B3GALT1: variants seen among roughly 807,000 people sequenced by gnomAD.
The protein encoded by B3GALT1 is beta-1,3-galactosyltransferase 1.
In B3GALT1, 10 loss-of-function variants were observed where a neutral mutation model predicts 23.2. The observed-to-expected ratio is 0.43, with a 90% confidence interval of 0.27 to 0.73. B3GALT1 has a LOEUF of 0.73. Ranked by LOEUF, B3GALT1 falls within the 30% of genes least tolerant of loss-of-function variation. The pLI, the probability that B3GALT1 is intolerant of heterozygous loss-of-function variation, is 0.21. For synonymous variants in B3GALT1, 156 were observed against 141.5 expected (o/e 1.10, Z -0.73); for missense variants, 299 against 405.4 (o/e 0.74, Z 2.25).
At chr2:167,449,917 C>T (rs1022562737) in intron 1 of B3GALT1, among the ~76,000 whole-genome samples, 2 of 152,106 alleles carry the variant, frequency 1.3e-5, no homozygotes, top group East Asian at 1.9e-4. Flanking sequence ...CCTGTTAAAC[C>T]ATCCCTGCAT....
At chr2:167,552,253 A>G (rs779779193) in intron 2 of B3GALT1, among the ~76,000 whole-genome samples, 9 of 152,148 alleles carry the variant, frequency 5.9e-5, no homozygotes, top group African/African-American at 1.4e-4. Flanking sequence ...TTCCTTGACT[A>G]TATGATTACC....
At chr2:167,342,489 C>T (rs762999252) in intron 1 of B3GALT1, among the ~76,000 whole-genome samples, 62 of 151,572 alleles carry the variant, frequency 4.1e-4, no homozygotes, top group Non-Finnish European at 6.6e-4. Context: ...ACTCAGGAGG[C>T]TGAGGCAGGA....
At chr2:167,560,298 A>G (rs1172489377) in intron 2 of B3GALT1, among the ~76,000 whole-genome samples, 12 of 152,170 alleles carry the variant, frequency 7.9e-5, no homozygotes, top group Non-Finnish European at 1.5e-4. Flanking sequence ...AAGAGCTCCT[A>G]AAGGAAGCAC....
In B3GALT1 at chr2:167,314,049, A is replaced by G. The variant is rs1245631481; in HGVS notation, c.-511+20715A>G. ...GGATGGGAGATTGGAGGGTCTTAAT[A>G]CTTTACACACAAAAGACTTTGTCAC... On this transcript the variant is annotated intron_variant, in intron 1 of 4. Transcript: ENST00000392690. Among the ~76,000 whole-genome samples, 3 of 152,138 alleles carry G rather than the reference A, an allele frequency of 2.0e-5. No homozygotes were observed. In the East Asian group the frequency reaches 5.8e-4, roughly 29 times the overall value.
At chr2:167,679,811 T>C (rs1334591235) in intron 3 of B3GALT1, among the ~76,000 whole-genome samples, 1 of 152,270 alleles carries the variant, frequency 6.6e-6, no homozygotes, top group Non-Finnish European at 1.5e-5. Flanking sequence ...GCTCATAGTA[T>C]ATACTCAACA....
intron 2 of B3GALT1, among the ~76,000 whole-genome samples, chr2:167,617,689 T>C (rs1432711063): frequency 2.0e-5 from 3 of 152,076 alleles, no homozygotes. Flanking sequence ...TACAGGATCA[T>C]AGAAATTTAG....
intron 1 of B3GALT1, among the ~76,000 whole-genome samples, chr2:167,395,501 C>G (rs1037486678): frequency 6.6e-6 from 1 of 151,984 alleles, no homozygotes; most frequent in Non-Finnish European, 1.5e-5. Flanking sequence ...GAAACTGAAC[C>G]CTCCCCAGAA....
chr2:167,548,565 C>T (rs1683683477), intron 2 of B3GALT1, among the ~76,000 whole-genome samples: 1 of 152,062 alleles, frequency 6.6e-6, no homozygotes, highest in Non-Finnish European at 1.5e-5. Flanking sequence ...GGAGCTTTAG[C>T]AGCCATCGTG....
chr2:167,413,926 AT>A, intron 1 of B3GALT1, among the ~76,000 whole-genome samples: 1 of 152,094 alleles, frequency 6.6e-6, no homozygotes, highest in East Asian at 1.9e-4. Context: ...GGTAGTTACC[AT>A]ATACTAAAGA....
chr2:167,449,686 T>A (rs1195149429), intron 1 of B3GALT1, among the ~76,000 whole-genome samples: 1 of 152,174 alleles, frequency 6.6e-6, no homozygotes, highest in Non-Finnish European at 1.5e-5. Flanking sequence ...TCAAGGGGAA[T>A]GCTTTCAACT....
intron 3 of B3GALT1, among the ~76,000 whole-genome samples, chr2:167,784,560 T>A (rs2592339): frequency 0.17 from 26,174 of 152,148 alleles, 2,442 homozygotes; most frequent in East Asian, 0.25. Flanking sequence ...AGCCTACTTG[T>A]ACAAAGATGT....
intron 1 of B3GALT1, among the ~76,000 whole-genome samples, chr2:167,433,255 A>G (rs1698731301): frequency 6.6e-6 from 1 of 152,016 alleles, no homozygotes. Flanking sequence ...ATGTCTTTTC[A>G]TGACCTGTTA....
chr2:167,756,689 T>C (rs1443463035), intron 3 of B3GALT1, among the ~76,000 whole-genome samples: 2 of 152,178 alleles, frequency 1.3e-5, no homozygotes, highest in Non-Finnish European at 2.9e-5. Flanking sequence ...TTTCTGTTGA[T>C]GTGTTTCAAC....
At chr2:167,859,868 G>GATTT (rs1690065609) in intron 4 of B3GALT1, among the ~76,000 whole-genome samples, 1 of 152,190 alleles carries the variant, frequency 6.6e-6, no homozygotes, top group East Asian at 1.9e-4. Flanking sequence ...TCTATGGGTA[G>GATTT]ATTTCCTTAA....
chr2:167,603,183 A>T (rs1684904249), intron 2 of B3GALT1, among the ~76,000 whole-genome samples: 1 of 152,168 alleles, frequency 6.6e-6, no homozygotes, highest in South Asian at 2.1e-4. Flanking sequence ...GTTCTTTGTC[A>T]GTATCAGGCA....
At chr2:167,678,941 T>G (rs1263203061) in intron 3 of B3GALT1, among the ~76,000 whole-genome samples, 1 of 152,158 alleles carries the variant, frequency 6.6e-6, no homozygotes, top group Non-Finnish European at 1.5e-5. Context: ...ATGAGTAATG[T>G]ATGCACTTCT....
chr2:167,409,900 C>T (rs539958481), intron 1 of B3GALT1, among the ~76,000 whole-genome samples: 19 of 151,956 alleles, frequency 1.3e-4, no homozygotes, highest in Non-Finnish European at 2.6e-4. Context: ...CCAGAAATAC[C>T]ATTTGACCCA....
chr2:167,671,624 A>G (rs555629714), intron 3 of B3GALT1, among the ~76,000 whole-genome samples: 21 of 152,092 alleles, frequency 1.4e-4, no homozygotes, highest in Non-Finnish European at 2.6e-4. Context: ...TGGAAAGACT[A>G]TGGGATGCAG....
At chr2:167,863,086 C>T (rs1207336334) in intron 4 of B3GALT1, among the ~76,000 whole-genome samples, 2 of 152,136 alleles carry the variant, frequency 1.3e-5, no homozygotes, top group Admixed American at 1.3e-4. Context: ...GATACACTAA[C>T]TGGTCTGTTA....
Sources: gnomAD v4.1 joint callset for allele counts (sites outside exome capture counted in the v4.1 genomes callset) on GRCh38, gnomAD v4.1.1 for gene constraint, MANE v1.5 for transcripts, NCBI Gene and HGNC (gene_info 2026-07-23, HGNC 2026-07-21) for gene names.